DGKG: variants seen among roughly 807,000 people sequenced by gnomAD.
The protein encoded by DGKG is DAG kinase gamma.
In DGKG, 78 loss-of-function variants were observed where a neutral mutation model predicts 105.3. The observed-to-expected ratio is 0.74, with a 90% confidence interval of 0.62 to 0.89. The LOEUF is 0.89. DGKG is among the 40% of genes least tolerant of loss of function. The pLI, the probability that DGKG is intolerant of heterozygous loss-of-function variation, is 0.00. For missense variants in DGKG, 958 were observed against 1,020.1 expected (o/e 0.94, Z 0.83); for synonymous variants, 346 against 367.1 (o/e 0.94, Z 0.66).
intron 1 of DGKG, among the ~76,000 whole-genome samples, chr3:186,357,181 G>T (rs1727008423): frequency 6.6e-6 from 1 of 152,132 alleles, no homozygotes. Context: ...GCCACACTAT[G>T]GATGGGTTCC....
chr3:186,250,611 G>A (rs921014513), intron 19 of DGKG, among the ~76,000 whole-genome samples: 5 of 144,584 alleles, frequency 3.5e-5, no homozygotes, highest in Admixed American at 1.4e-4. Flanking sequence ...GTGCAATGGC[G>A]TGATCTCGGC....
intron 9 of DGKG, among the ~76,000 whole-genome samples, chr3:186,276,223 T>C (rs1246354724): frequency 6.6e-6 from 1 of 152,210 alleles, no homozygotes; most frequent in Non-Finnish European, 1.5e-5. Context: ...TCTGATGTAA[T>C]GTTAGGTGGC....
In DGKG at chr3:186,218,603, G is replaced by A. The variant is rs58072858; in HGVS notation, c.1827-6718C>T. Among the ~76,000 whole-genome samples, 378 of 151,650 alleles carry A rather than the reference G, an allele frequency of 2.5e-3. 3 individuals are homozygous for A. The highest frequency in any genetic ancestry group is 8.6e-3 in the African/African-American group (355 of 41,304). On this transcript the variant is annotated intron_variant, in intron 20 of 24. Transcript: ENST00000265022. ...ACTTGAGATGACACAATTCAGAACA[G>A]GATGGGAGGACTCACGTGTTCTACA...
rs1387082100 is a variant in DGKG at position 186,210,541 on chromosome 3, G to A, written c.1917+1254C>T. ...CCCTGGCGTTGGTAACCCAGCAACC[G>A]AAGAGGAGAGGCAGGCAGATGAGTC... is the stretch of plus-strand genomic sequence containing the variant. On this transcript the variant is annotated intron_variant, in intron 21 of 24. Coordinates refer to ENST00000265022, the MANE Select transcript of DGKG (RefSeq NM_001346.3). The surrounding 1 kb of genome is among the most constrained non-coding windows in gnomAD (Gnocchi z 5.2). 2 of 450,626 alleles carry A rather than the reference G, an allele frequency of 4.4e-6. No homozygotes were observed. The highest frequency in any genetic ancestry group is 2.4e-5 in the Admixed American group (1 of 42,132). The allele number at this position is 450,626 out of a possible 1,614,324, so 27.9% of individuals were successfully genotyped here. A position where few individuals can be genotyped will look rare whatever the true frequency, so the allele number is the denominator to read the frequency against.
chr3:186,289,282 A>G (rs1239239850), intron 5 of DGKG, among the ~76,000 whole-genome samples: 1 of 152,212 alleles, frequency 6.6e-6, no homozygotes, highest in Non-Finnish European at 1.5e-5. Flanking sequence ...TCATTTCTCA[A>G]TAGACCTTGC....
chr3:186,208,444 A>AGG (rs1718860243), intron 21 of DGKG, among the ~76,000 whole-genome samples: 4 of 276 alleles, frequency 0.014, no homozygotes, highest in Non-Finnish European at 0.03. Flanking sequence ...AAAAAGAAGA[A>AGG]AAAAAAAAGG....
chr3:186,338,497 C>T (rs1725936980), intron 1 of DGKG, among the ~76,000 whole-genome samples: 2 of 152,056 alleles, frequency 1.3e-5, no homozygotes, highest in Admixed American at 1.3e-4. Context: ...ATTTTAAAAA[C>T]CTCTCAAAAT....
intron 16 of DGKG, among the ~76,000 whole-genome samples, chr3:186,259,977 G>T (rs552550459): frequency 1.5e-4 from 23 of 152,278 alleles, no homozygotes; most frequent in African/African-American, 5.5e-4. Context: ...TAATTGTCTT[G>T]ATCCTAAAAT....
chr3:186,171,495 C>G (rs1034340723), intron 22 of DGKG, among the ~76,000 whole-genome samples: 1 of 152,156 alleles, frequency 6.6e-6, no homozygotes, highest in African/African-American at 2.4e-5. Context: ...AGTGCACATG[C>G]TCCTGTTACT....
rs143960541 is a variant in DGKG, at chr3:186,192,299, G to A, written c.1918-3920C>T. Among the ~76,000 whole-genome samples, 1,209 of 152,210 alleles carry A rather than the reference G, an allele frequency of 7.9e-3. 20 individuals carry two copies. Among genetic ancestry groups the A allele is most frequent in the African/African-American group, 0.028 (1,154 of 41,512 alleles). On this transcript the variant is annotated intron_variant, in intron 21 of 24. Coordinates refer to ENST00000265022, the MANE Select transcript of DGKG (RefSeq NM_001346.3). ...GCTGGGATCACAGGGGTGAGCCACC[G>A]GGCCTGGCCCACATTTTCTTTTATC...
At chr3:186,293,588 G>A (rs1017082887) in intron 5 of DGKG, among the ~76,000 whole-genome samples, 1 of 152,190 alleles carries the variant, frequency 6.6e-6, no homozygotes. Context: ...GATTGCTCAG[G>A]CCTCCGAGCC....
Position 186,298,093 on chromosome 3 carries a change from C to T in DGKG, c.281G>A (p.Gly94Glu), listed in dbSNP as rs779847882. 8.7e-6 allele frequency: 14 copies of T among 1,612,972 alleles called. No homozygotes were observed. Among genetic ancestry groups the T allele is most frequent in the African/African-American group, 2.7e-5 (2 of 74,896 alleles). ...GCTGTTGGCCTCACTGTTGCTGGCT[C>T]CCTCCGTCGGGTGGTCAGAGGTCTC... ...RHETSDHPTEGASNSEANSAD... is the reference protein window; with the variant it reads ...RHETSDHPTEEASNSEANSAD... The change falls in exon 4 of 25, where the codon GGA becomes GAA. Residue 94 changes from glycine to glutamate, a missense_variant. Physicochemically the swap from Gly to Glu is moderately conservative, Grantham distance 98. This residue lies in a region of DGKG where 643 missense variants were observed against 619.5 expected (regional missense o/e 1.04). Transcript: ENST00000265022.
At chr3:186,280,848 G>T in intron 7 of DGKG, 104 bp from the exon 8 acceptor site, 1 of 896,270 alleles carries the variant, frequency 1.1e-6, no homozygotes, top group Non-Finnish European at 1.8e-6. Context: ...GACAGGGCAG[G>T]GCAAGAGAAG....
At chr3:186,162,696 T>A (rs557823430) in intron 23 of DGKG, among the ~76,000 whole-genome samples, 42 of 127,618 alleles carry the variant, frequency 3.3e-4, no homozygotes, top group African/African-American at 1.0e-3. Context: ...CCTGCCACCA[T>A]GTCCAGCTAA....
At position 186,288,703 on chromosome 3, in the gene DGKG, C is replaced by A. The variant is rs760193293; in HGVS notation, c.544+7G>T. The stretch of plus-strand genomic sequence containing the variant: ...AGCTGAAGCCCCTTGACAGGGTGAG[C>A]ACTTACACTCCAGCTTATCCTGAGG... On this transcript the variant is annotated splice_region_variant and intron_variant, in intron 6 of 24. Coordinates refer to ENST00000265022, the MANE Select transcript of DGKG (RefSeq NM_001346.3). 1 of 1,613,926 alleles carries A rather than the reference C, an allele frequency of 6.2e-7. No homozygotes were observed. Among genetic ancestry groups the A allele is most frequent in the Non-Finnish European group, 8.5e-7 (1 of 1,179,892 alleles).
rs774835505 is a variant in DGKG, at chr3:186,164,900, G to A, written c.2214C>T (p.Ile738=). ...TGTTGGGTGACAAAGAGGCATACCTGATGGTGACAGAGGCGCACTGGGCCA... is the reference window on the plus strand; with the variant it reads ...TGTTGGGTGACAAAGAGGCATACCTAATGGTGACAGAGGCGCACTGGGCCA... ...RRLAQCASVT[I]RTNKLLPMQV... The change falls in exon 23 of 25, where the codon ATC becomes ATT. Residue 738 remains isoleucine, a splice_region_variant and synonymous_variant. Transcript: ENST00000265022. 5.0e-6 allele frequency: 8 copies of A among 1,611,884 alleles called. No homozygotes were observed. Among genetic ancestry groups the A allele is most frequent in the East Asian group, 2.2e-5 (1 of 44,870 alleles).
At chr3:186,352,317 T>A (rs1278982896) in intron 1 of DGKG, among the ~76,000 whole-genome samples, 4 of 152,158 alleles carry the variant, frequency 2.6e-5, no homozygotes, top group Non-Finnish European at 5.9e-5. Flanking sequence ...TGTGAGATGT[T>A]TCTTTCCCTT....
At chr3:186,242,687 C>T in intron 19 of DGKG, 119 bp from the exon 20 acceptor site, 6 of 776,354 alleles carry the variant, frequency 7.7e-6, no homozygotes, top group Non-Finnish European at 1.2e-5. Context: ...CTATCTATCG[C>T]ATGGTGGGGC....
chr3:186,262,685 C>T (rs1721832907), intron 14 of DGKG, among the ~76,000 whole-genome samples: 1 of 152,246 alleles, frequency 6.6e-6, no homozygotes, highest in Non-Finnish European at 1.5e-5. Flanking sequence ...TTCCTGCTAA[C>T]CCTCAGCTGC....
Sources: gnomAD v4.1 joint callset for allele counts (sites outside exome capture counted in the v4.1 genomes callset) on GRCh38, gnomAD v4.1.1 for gene constraint, gnomAD v4.1.1 regional missense constraint, Gnocchi (gnomAD v3.1) non-coding constraint, MANE v1.5 for transcripts, NCBI Gene and HGNC (gene_info 2026-07-23, HGNC 2026-07-21) for gene names.